The following GALNT17 variants were observed in gnomAD, a reference collection of about 807,000 sequenced individuals.
GALNT17 encodes UDP-GalNAc:polypeptide N-acetylgalactosaminyltransferase-like 3.
GALNT17 carries 29 observed loss-of-function variants against 63.7 expected under a neutral mutation model. That is an observed-to-expected ratio of 0.46 (90% confidence interval 0.34 to 0.62). GALNT17 has a LOEUF of 0.62. GALNT17 is among the 20% of genes least tolerant of loss of function. The pLI is 0.01. For synonymous variants in GALNT17, 305 were observed against 318.3 expected, an observed-to-expected ratio of 0.96 and a Z score of 0.45; for missense variants, 603 against 799.6, an observed-to-expected ratio of 0.75 and a Z score of 2.97.
chr7:71,148,510 GAGA>G (rs1487057501), intron 1 of GALNT17, among the ~76,000 whole-genome samples: 1 of 152,156 alleles, frequency 6.6e-6, no homozygotes, highest in Non-Finnish European at 1.5e-5. Flanking sequence ...GGTAGCAAAA[GAGA>G]AGGAGAACGG....
At chr7:71,682,661 C>T (rs761436706) in intron 9 of GALNT17, among the ~76,000 whole-genome samples, 9 of 152,040 alleles carry the variant, frequency 5.9e-5, no homozygotes, top group Non-Finnish European at 1.0e-4. Context: ...CCTCCCATCT[C>T]GGCCTCTCAA....
At position 71,216,759 on chromosome 7, in the gene GALNT17, C is replaced by T. The variant is rs978814032; in HGVS notation, c.238+83719C>T. Among the ~76,000 whole-genome samples, 10 of 152,026 alleles carry T rather than the reference C, an allele frequency of 6.6e-5. No homozygotes were observed. The East Asian group carries it at 1.2e-3, about 18-fold the overall frequency. ...ACAGACACACAAATGCACATATATACACAGAGACACACAAATACACATATA... is the reference window on the plus strand; with the variant it reads ...ACAGACACACAAATGCACATATATATACAGAGACACACAAATACACATATA... On this transcript the variant is annotated intron_variant, in intron 1 of 10. Transcript: ENST00000333538.
chr7:71,275,634 G>A (rs1790669545), intron 1 of GALNT17, among the ~76,000 whole-genome samples: 1 of 152,200 alleles, frequency 6.6e-6, no homozygotes, highest in Non-Finnish European at 1.5e-5. Flanking sequence ...TTCCATGGGG[G>A]ACACAAATAG....
At chr7:71,666,332 T>C (rs562245251) in intron 7 of GALNT17, among the ~76,000 whole-genome samples, 38 of 148,318 alleles carry the variant, frequency 2.6e-4, no homozygotes, top group Non-Finnish European at 4.6e-4. Flanking sequence ...GTATAAAATA[T>C]ATATTTATAT....
At chr7:71,627,721 A>G (rs1428437140) in intron 6 of GALNT17, among the ~76,000 whole-genome samples, 1 of 152,212 alleles carries the variant, frequency 6.6e-6, no homozygotes, top group Non-Finnish European at 1.5e-5. Context: ...TCTAACGGAC[A>G]AGGGAAATAA....
At chr7:71,377,114 A>ATATAAATAT (rs1554362120) in intron 2 of GALNT17, among the ~76,000 whole-genome samples, 1 of 57,486 alleles carries the variant, frequency 1.7e-5, no homozygotes, top group African/African-American at 9.4e-5. Context: ...AAATAAAAAA[A>ATATAAATAT]ATATATATAT....
intron 1 of GALNT17, among the ~76,000 whole-genome samples, chr7:71,249,090 AAGT>A (rs1790151392): frequency 6.6e-6 from 1 of 152,214 alleles, no homozygotes; most frequent in Non-Finnish European, 1.5e-5. Flanking sequence ...AAATAACAAA[AAGT>A]AGAGTCAGTA....
chr7:71,407,163 G>C (rs1316513902), intron 3 of GALNT17, among the ~76,000 whole-genome samples: 1 of 152,200 alleles, frequency 6.6e-6, no homozygotes, highest in East Asian at 1.9e-4. Context: ...TCCACATCCA[G>C]TCTTGAAGAG....
At chr7:71,411,966 T>TG (rs1183375743) in intron 3 of GALNT17, among the ~76,000 whole-genome samples, 1 of 152,194 alleles carries the variant, frequency 6.6e-6, no homozygotes, top group Non-Finnish European at 1.5e-5. Context: ...GCTTCGGAAC[T>TG]GGTGTCATAG....
At chr7:71,286,197 A>T (rs1161889622) in intron 1 of GALNT17, among the ~76,000 whole-genome samples, 6 of 152,240 alleles carry the variant, frequency 3.9e-5, no homozygotes, top group Non-Finnish European at 8.8e-5. Flanking sequence ...GAAGGGGCCC[A>T]TGTAATTGAA....
intron 3 of GALNT17, among the ~76,000 whole-genome samples, chr7:71,393,194 T>C (rs1793080534): frequency 6.6e-6 from 1 of 152,256 alleles, no homozygotes; most frequent in South Asian, 2.1e-4. Context: ...CATTATGTAA[T>C]GCTCTCTTTA....
In GALNT17 at chr7:71,399,067, C is replaced by T. The variant is rs537345075; in HGVS notation, c.589+10666C>T. Among the ~76,000 whole-genome samples the T allele has an allele frequency of 3.9e-5, 6 of 151,992 alleles. No individual in the cohort carries two copies. The South Asian group carries it at 6.3e-4, about 16-fold the overall frequency. ...GGCCAACATGATGAAACCCCGTCTA[C>T]GCTAAAAATACAAAAAATTAGCTGG... On this transcript the variant is annotated intron_variant, in intron 3 of 10. Transcript: ENST00000333538.
At chr7:71,167,921 C>G (rs1024155330) in intron 1 of GALNT17, among the ~76,000 whole-genome samples, 2 of 152,172 alleles carry the variant, frequency 1.3e-5, no homozygotes, top group Admixed American at 6.5e-5. Flanking sequence ...TCACCCTTTC[C>G]GGCCTCCTAA....
rs1197719608 is a variant in GALNT17 at position 71,670,100 on chromosome 7, TTACGGGGAGGTAA to T, written c.1397_1404+5del. The T allele has an allele frequency of 6.2e-7, 1 of 1,613,946 alleles. No homozygotes were observed. Among genetic ancestry groups the T allele is most frequent in the Non-Finnish European group, 8.5e-7 (1 of 1,179,988 alleles). Reference sequence around the variant, plus strand: ...TGAGAAGATACAATAATACCGTTGCTTACGGGGAGGTAATTCAGACCGTGCATGCTTTTGGCTT... The same window carrying T: ...TGAGAAGATACAATAATACCGTTGCTTTCAGACCGTGCATGCTTTTGGCTT... On this transcript the variant is annotated splice_donor_variant and splice_donor_region_variant and coding_sequence_variant and intron_variant, in exon 8 of 11. Transcript: ENST00000333538. LOFTEE classifies it high-confidence loss of function.
intron 6 of GALNT17, among the ~76,000 whole-genome samples, chr7:71,596,716 A>G (rs1789891918): frequency 6.6e-6 from 1 of 152,092 alleles, no homozygotes; most frequent in Non-Finnish European, 1.5e-5. Context: ...CTAAACTGTG[A>G]AACACTCACT....
At chr7:71,164,770 G>A (rs1211185419) in intron 1 of GALNT17, among the ~76,000 whole-genome samples, 1 of 152,106 alleles carries the variant, frequency 6.6e-6, no homozygotes, top group African/African-American at 2.4e-5. Flanking sequence ...TAAAGATGAG[G>A]TTATCTAAAG....
intron 2 of GALNT17, among the ~76,000 whole-genome samples, chr7:71,348,116 C>T (rs1479072015): frequency 6.6e-6 from 1 of 152,166 alleles, no homozygotes; most frequent in African/African-American, 2.4e-5. Flanking sequence ...CAAAAATTAG[C>T]TGAGCGTGGT....
At chr7:71,263,531 A>G (rs750826312) in intron 1 of GALNT17, among the ~76,000 whole-genome samples, 2 of 152,204 alleles carry the variant, frequency 1.3e-5, no homozygotes, top group Non-Finnish European at 2.9e-5. Flanking sequence ...TGCCACTTGC[A>G]GGAATTTACC....
At chr7:71,692,123 T>C (rs1228443723) in intron 9 of GALNT17, among the ~76,000 whole-genome samples, 4 of 152,102 alleles carry the variant, frequency 2.6e-5, no homozygotes, top group Non-Finnish European at 1.5e-5. Flanking sequence ...GTTGCCTTGC[T>C]GTGTTGACCA....
Sources: allele counts gnomAD v4.1 joint callset (sites outside exome capture counted in the v4.1 genomes callset), GRCh38; gene constraint gnomAD v4.1.1; transcripts MANE v1.5; gene names NCBI Gene and HGNC (gene_info 2026-07-23, HGNC 2026-07-21).